The following LY6S variants were observed in gnomAD, a reference collection of about 807,000 sequenced individuals.
The protein encoded by LY6S is lymphocyte antigen 6S.
At chr8:143,043,880 G>T in the LY6S span, among the ~76,000 whole-genome samples, 1 of 152,178 alleles carries the variant, frequency 6.6e-6, no homozygotes, top group African/African-American at 2.4e-5. Flanking sequence ...TCTCCATGTT[G>T]GTCAGGCTGG....
chr8:143,067,599 G>A, the LY6S span, among the ~76,000 whole-genome samples: 1 of 152,214 alleles, frequency 6.6e-6, no homozygotes, highest in Non-Finnish European at 1.5e-5. Flanking sequence ...TAACATGCGA[G>A]GACCCGCGTC....
chr8:143,052,500 T>C, the LY6S span, among the ~76,000 whole-genome samples: 4 of 152,196 alleles, frequency 2.6e-5, no homozygotes, highest in Non-Finnish European at 5.9e-5. Flanking sequence ...TGCTGAGGAC[T>C]GGCAGGTTGA....
chr8:143,065,057 G>A, the LY6S span, among the ~76,000 whole-genome samples: 1 of 152,216 alleles, frequency 6.6e-6, no homozygotes, highest in Non-Finnish European at 1.5e-5. Flanking sequence ...CCGAGGTGGA[G>A]CAGGGATTAC....
the LY6S span, among the ~76,000 whole-genome samples, chr8:143,040,914 C>T: frequency 5.9e-5 from 9 of 152,094 alleles, no homozygotes; most frequent in African/African-American, 1.4e-4. Context: ...GCCGTAAAAC[C>T]AGCAAATTTT....
At chr8:143,047,325 T>C in the LY6S span, among the ~76,000 whole-genome samples, 1 of 151,940 alleles carries the variant, frequency 6.6e-6, no homozygotes, top group Non-Finnish European at 1.5e-5. Flanking sequence ...TTTTGTATTT[T>C]TAGTAGAGAC....
chr8:143,070,489 ATTT>A, the LY6S span, among the ~76,000 whole-genome samples: 5 of 81,708 alleles, frequency 6.1e-5, no homozygotes, highest in South Asian at 3.6e-4. Context: ...ATATATATAT[ATTT>A]TTTTTTTTTT....
At chr8:143,043,260 C>A in the LY6S span, 3 of 1,362,250 alleles carry the variant, frequency 2.2e-6, no homozygotes, top group Non-Finnish European at 2.9e-6. Flanking sequence ...CACAACGGCA[C>A]TTGTAAGTTT....
the LY6S span, among the ~76,000 whole-genome samples, chr8:143,061,744 TG>T: frequency 6.6e-6 from 1 of 152,172 alleles, no homozygotes; most frequent in African/African-American, 2.4e-5. Context: ...GTTTTCTCCA[TG>T]TTGGTCAAGG....
At chr8:143,068,899 T>C in the LY6S span, among the ~76,000 whole-genome samples, 1 of 152,114 alleles carries the variant, frequency 6.6e-6, no homozygotes, top group African/African-American at 2.4e-5. Flanking sequence ...CTGGGCTGGG[T>C]CTGAGATCTT....
the LY6S span, among the ~76,000 whole-genome samples, chr8:143,070,464 A>AC: frequency 0.024 from 796 of 33,476 alleles, 15 homozygotes; most frequent in East Asian, 0.093. Context: ...ATATATATAT[A>AC]ATATATATAT....
At chr8:143,043,308 A>T in the LY6S span, 1 of 1,235,336 alleles carries the variant, frequency 8.1e-7, no homozygotes. Flanking sequence ...GCAGGAGAGG[A>T]GGGAGAGCTT....
chr8:143,043,830 C>T, the LY6S span, among the ~76,000 whole-genome samples: 1 of 152,240 alleles, frequency 6.6e-6, no homozygotes, highest in Non-Finnish European at 1.5e-5. Context: ...CATGCCCCAC[C>T]AGGCCCGGCT....
chr8:143,044,139 A>C, the LY6S span: 6 of 456,214 alleles, frequency 1.3e-5, no homozygotes, highest in South Asian at 9.3e-5. Context: ...ACCATTCCAG[A>C]GTCATTCCTT....
At chr8:143,076,081 C>T in the LY6S span, among the ~76,000 whole-genome samples, 1 of 152,180 alleles carries the variant, frequency 6.6e-6, no homozygotes, top group African/African-American at 2.4e-5. Flanking sequence ...AAGTACCGGA[C>T]TCTCTGGTTC....
the LY6S span, among the ~76,000 whole-genome samples, chr8:143,065,024 A>G: frequency 6.6e-6 from 1 of 152,206 alleles, no homozygotes; most frequent in East Asian, 1.9e-4. Context: ...AGGGAGGGTT[A>G]GAGTTCTTCC....
chr8:143,057,651 C>T, the LY6S span: 1 of 994,486 alleles, frequency 1.0e-6, no homozygotes, highest in Non-Finnish European at 1.6e-6. Context: ...GGGTTGAATT[C>T]AATGTTGAAG....
At chr8:143,052,019 A>C in the LY6S span, among the ~76,000 whole-genome samples, 9 of 149,990 alleles carry the variant, frequency 6.0e-5, no homozygotes, top group Non-Finnish European at 1.2e-4. Flanking sequence ...TGGTGGCCCA[A>C]GCCTGTAATC....
chr8:143,068,178 C>G, the LY6S span, among the ~76,000 whole-genome samples: 9 of 152,298 alleles, frequency 5.9e-5, no homozygotes, highest in Admixed American at 5.9e-4. Flanking sequence ...GCATTGTGTC[C>G]CTGGTTAATA....
chr8:143,045,487 GCA>G, the LY6S span, among the ~76,000 whole-genome samples: 1 of 152,128 alleles, frequency 6.6e-6, no homozygotes, highest in Non-Finnish European at 1.5e-5. The surrounding 1 kb of genome is among the most constrained non-coding windows in gnomAD (Gnocchi z 5.3). Context: ...CCTGTCCTCA[GCA>G]CAGTCACCCA....
Sources: gnomAD v4.1 joint callset for allele counts (sites outside exome capture counted in the v4.1 genomes callset) on GRCh38, gnomAD v4.1.1 for gene constraint, Gnocchi (gnomAD v3.1) non-coding constraint, MANE v1.5 for transcripts, NCBI Gene and HGNC (gene_info 2026-07-23, HGNC 2026-07-21) for gene names.